The following HEATR5A variants were observed in gnomAD, a reference collection of about 807,000 sequenced individuals.
HEATR5A encodes the protein HEAT repeat containing 5A.
A neutral mutation model predicts 218.8 loss-of-function variants in HEATR5A; 178 were observed. The observed-to-expected ratio is 0.81, with a 90% confidence interval of 0.72 to 0.92. The LOEUF (loss-of-function observed/expected upper bound fraction) is 0.92. Ranked by LOEUF, HEATR5A falls within the 40% of genes least tolerant of loss-of-function variation. HEATR5A has a pLI of 0.00. For missense variants in HEATR5A, 2,420 were observed against 2,418.9 expected, an observed-to-expected ratio of 1.00 and a Z score of -0.01; for synonymous variants, 864 against 871.6, an observed-to-expected ratio of 0.99 and a Z score of 0.15.
chr14:31,344,268 C>CTTTTTTTTTTTTTTTTTT lies in HEATR5A; in HGVS notation c.3059-221_3059-204dup, dbSNP rs577497140. Among the ~76,000 whole-genome samples the CTTTTTTTTTTTTTTTTTT allele has an allele frequency of 6.7e-4, 34 of 50,830 alleles. 8 individuals are homozygous for CTTTTTTTTTTTTTTTTTT. The highest frequency in any genetic ancestry group is 1.0e-3 in the Non-Finnish European group (28 of 27,196). The allele number at this position is 50,830 out of a possible 152,430, so 33.3% of individuals were successfully genotyped here. ...GTTACAGATTGTTAGATTAGTTATT[C>CTTTTTTTTTTTTTTTTTT]TTTTTTTTTTTTTTTTTTTTTTTTT... is the stretch of plus-strand genomic sequence containing the variant. On this transcript the variant is annotated intron_variant, in intron 20 of 35. Coordinates refer to ENST00000543095, the MANE Select transcript of HEATR5A (RefSeq NM_015473.4).
chr14:31,332,500 A>G (rs532118787), intron 22 of HEATR5A, among the ~76,000 whole-genome samples: 1 of 152,340 alleles, frequency 6.6e-6, no homozygotes, highest in African/African-American at 2.4e-5. Flanking sequence ...AGAGCTGGAA[A>G]TGATTTAAGC....
At chr14:31,303,745 A>G (rs1412509465) in intron 32 of HEATR5A, among the ~76,000 whole-genome samples, 2 of 152,222 alleles carry the variant, frequency 1.3e-5, no homozygotes, top group Non-Finnish European at 2.9e-5. Context: ...TGAACCATGA[A>G]GAAAAATTTT....
chr14:31,387,315 A>T lies in HEATR5A; in HGVS notation c.994T>A (p.Phe332Ile). Residue 332 changes from phenylalanine (F) to isoleucine (I), a missense_variant, in exon 8 of 36, where the codon TTT becomes ATT. By Grantham distance (21) the Phe-to-Ile change is conservative. Coordinates refer to ENST00000543095, the MANE Select transcript of HEATR5A (RefSeq NM_015473.4). Reference sequence around the variant, plus strand: ...GCAAGGCTTAGGATATGAGAAAAAAAGGCAGCAAAATTTTTCTCTAGCCAA... The same window carrying T: ...GCAAGGCTTAGGATATGAGAAAAAATGGCAGCAAAATTTTTCTCTAGCCAA... ...GAWLEKNFAA[F>I]FSHILSLASP... The T allele has an allele frequency of 6.2e-7, 1 of 1,613,956 alleles. No homozygotes were observed. The highest frequency in any genetic ancestry group is 8.5e-7 in the Non-Finnish European group (1 of 1,179,818).
intron 1 of HEATR5A, among the ~76,000 whole-genome samples, chr14:31,404,673 G>GAGGGTAGCTT (rs2030993054): frequency 6.6e-6 from 1 of 151,468 alleles, no homozygotes; most frequent in Non-Finnish European, 1.5e-5. Context: ...TCGGGTAGCT[G>GAGGGTAGCTT]AGGCAGAAGG....
At chr14:31,375,633 C>T (rs989022212) in intron 11 of HEATR5A, among the ~76,000 whole-genome samples, 3 of 152,082 alleles carry the variant, frequency 2.0e-5, no homozygotes, top group Admixed American at 6.6e-5. Flanking sequence ...AACTCCTGGG[C>T]TCAAGCAATC....
At chr14:31,403,082 G>A (rs1484273342) in intron 1 of HEATR5A, 33 bp from the exon 2 acceptor site, 3 of 1,042,008 alleles carry the variant, frequency 2.9e-6, no homozygotes, top group East Asian at 2.7e-5. Flanking sequence ...ATTTTAAAAG[G>A]GGGGTAAAAA....
chr14:31,326,929 G>A (rs536199854), intron 22 of HEATR5A, among the ~76,000 whole-genome samples: 1 of 151,948 alleles, frequency 6.6e-6, no homozygotes, highest in Non-Finnish European at 1.5e-5. Context: ...ACAGGTGTGA[G>A]CCACTGAACC....
In HEATR5A at chr14:31,315,916, T is replaced by C. The variant is rs748474249; in HGVS notation, c.4072A>G (p.Ser1358Gly). The C allele has an allele frequency of 1.3e-6, 2 of 1,571,082 alleles. No individual in the cohort carries two copies. Among genetic ancestry groups the C allele is most frequent in the South Asian group, 1.2e-5 (1 of 85,654 alleles). The change falls in exon 27 of 36, where the codon AGT (serine) becomes GGT (glycine). Residue 1358 changes from serine to glycine, a missense_variant. Coordinates refer to ENST00000543095, the MANE Select transcript of HEATR5A (RefSeq NM_015473.4). ...ACTCTTCGGAGATCATTAAGGTCACTTACAACTCCACTTGCTATCCAGGCA... is the reference window on the plus strand; with the variant it reads ...ACTCTTCGGAGATCATTAAGGTCACCTACAACTCCACTTGCTATCCAGGCA... ...CSAWIASGVV[S>G]DLNDLRRVHQ...
At chr14:31,418,182 C>T (rs912548515) in intron 1 of HEATR5A, among the ~76,000 whole-genome samples, 1 of 152,208 alleles carries the variant, frequency 6.6e-6, no homozygotes, top group African/African-American at 2.4e-5. Context: ...GCACTCCAGC[C>T]TGGGCTACAG....
At chr14:31,396,373 G>A (rs540916398) in intron 4 of HEATR5A, among the ~76,000 whole-genome samples, 1 of 151,954 alleles carries the variant, frequency 6.6e-6, no homozygotes, top group South Asian at 2.1e-4. Flanking sequence ...TACAATCGGA[G>A]GCAGAGGGTG....
At chr14:31,302,174 T>C in intron 33 of HEATR5A, 121 bp downstream of exon 33, 3 of 702,732 alleles carry the variant, frequency 4.3e-6, no homozygotes, top group Non-Finnish European at 7.4e-6. Flanking sequence ...CACATAGTAT[T>C]GAATATGGTC....
chr14:31,310,530 C>T (rs1899710659), intron 28 of HEATR5A, among the ~76,000 whole-genome samples: 1 of 152,058 alleles, frequency 6.6e-6, no homozygotes, highest in Non-Finnish European at 1.5e-5. Context: ...GTCCTAGCTA[C>T]TTGGGAGGCT....
chr14:31,340,413 C>T, intron 21 of HEATR5A: 1 of 1,270,414 alleles, frequency 7.9e-7, no homozygotes, highest in Non-Finnish European at 1.0e-6. Flanking sequence ...CACCGCAAAA[C>T]TCAAAAAAAG....
intron 1 of HEATR5A, among the ~76,000 whole-genome samples, chr14:31,406,970 T>C (rs1319918530): frequency 3.6e-4 from 31 of 86,808 alleles, no homozygotes; most frequent in African/African-American, 1.2e-3. Context: ...AGAGTGAACC[T>C]CTGTCTCAAA....
At chr14:31,356,173 A>C (rs1026673921) in intron 16 of HEATR5A, among the ~76,000 whole-genome samples, 4 of 152,204 alleles carry the variant, frequency 2.6e-5, no homozygotes, top group African/African-American at 9.7e-5. Context: ...AACGACACCT[A>C]CTGGAGACTG....
intron 14 of HEATR5A, 52 bp from the exon 15 acceptor site, chr14:31,359,109 G>A: frequency 1.3e-6 from 2 of 1,538,284 alleles, no homozygotes; most frequent in South Asian, 1.2e-5. Flanking sequence ...TCTGGTGAGA[G>A]TATGGGATTT....
intron 32 of HEATR5A, 80 bp downstream of exon 32, chr14:31,304,825 A>C (rs1899504148): frequency 3.5e-6 from 5 of 1,410,368 alleles, no homozygotes; most frequent in Non-Finnish European, 4.9e-6. Context: ...AAAAAGAAAA[A>C]GATTAGCAAC....
At chr14:31,374,201 G>A (rs888864107) in intron 12 of HEATR5A, among the ~76,000 whole-genome samples, 1 of 151,718 alleles carries the variant, frequency 6.6e-6, no homozygotes, top group Non-Finnish European at 1.5e-5. Flanking sequence ...AGCTACTTGG[G>A]AGGCTGACGT....
At chr14:31,294,473 G>A (rs762660202) in intron 34 of HEATR5A, among the ~76,000 whole-genome samples, 129 of 145,670 alleles carry the variant, frequency 8.9e-4, no homozygotes, top group Non-Finnish European at 1.5e-3. Context: ...GCAGTGGTGT[G>A]ATCTCAGCTC....
Sources: allele counts gnomAD v4.1 joint callset (sites outside exome capture counted in the v4.1 genomes callset), GRCh38; gene constraint gnomAD v4.1.1; transcripts MANE v1.5; gene names NCBI Gene and HGNC (gene_info 2026-07-23, HGNC 2026-07-21).